STK3: variants seen among roughly 807,000 people sequenced by gnomAD.
STK3 encodes the protein serine/threonine-protein kinase 3.
STK3 carries 41 observed loss-of-function variants against 58.0 expected under a neutral mutation model. The ratio of observed to expected loss-of-function variants is 0.71; its 90% CI spans 0.55 to 0.92. The LOEUF is 0.92. Ranked by LOEUF, STK3 falls within the 40% of genes least tolerant of loss-of-function variation. STK3 has a pLI of 0.00. For synonymous variants in STK3, 170 were observed against 191.0 expected (o/e 0.89, Z 0.91); for missense variants, 479 against 602.7 (o/e 0.79, Z 2.15).
intron 4 of STK3, among the ~76,000 whole-genome samples, chr8:98,724,787 G>A (rs1008731715): frequency 6.6e-6 from 1 of 152,244 alleles, no homozygotes; most frequent in Non-Finnish European, 1.5e-5. Context: ...TTCAGAAGAC[G>A]AAGAAGAGTC....
chr8:98,802,371 A>G (rs1176181611), intron 1 of STK3, among the ~76,000 whole-genome samples: 1 of 152,192 alleles, frequency 6.6e-6, no homozygotes, highest in East Asian at 1.9e-4. Flanking sequence ...ATGGTGATAA[A>G]TTATTTAATA....
At chr8:98,715,221 G>A (rs1366351771) in intron 4 of STK3, among the ~76,000 whole-genome samples, 1 of 152,110 alleles carries the variant, frequency 6.6e-6, no homozygotes, top group Non-Finnish European at 1.5e-5. Context: ...CATAGGCATG[G>A]GTAAGGACTT....
chr8:98,803,055 G>A (rs1371999124), intron 1 of STK3, among the ~76,000 whole-genome samples: 1 of 152,160 alleles, frequency 6.6e-6, no homozygotes, highest in Non-Finnish European at 1.5e-5. Context: ...AGACAACAGG[G>A]TTTCCCTTGG....
At chr8:98,890,280 C>T (rs1443942691) in intron 1 of STK3, among the ~76,000 whole-genome samples, 5 of 152,184 alleles carry the variant, frequency 3.3e-5, no homozygotes, top group South Asian at 2.1e-4. Context: ...CAGCCTTCTG[C>T]CTTTTCTCTG....
intron 10 of STK3, among the ~76,000 whole-genome samples, chr8:98,494,031 C>A (rs936291072): frequency 6.6e-6 from 1 of 152,218 alleles, no homozygotes; most frequent in Admixed American, 6.5e-5. Context: ...TGCAACAATC[C>A]CCTTAATGAT....
chr8:98,816,927 T>A (rs1004052447), intron 1 of STK3, among the ~76,000 whole-genome samples: 4 of 152,198 alleles, frequency 2.6e-5, no homozygotes, highest in Non-Finnish European at 4.4e-5. Context: ...AATGATTACT[T>A]ATAGGGAAAG....
At chr8:98,740,642 G>A (rs1386344283) in intron 4 of STK3, among the ~76,000 whole-genome samples, 4 of 152,152 alleles carry the variant, frequency 2.6e-5, no homozygotes, top group Non-Finnish European at 5.9e-5. Context: ...GCAAAATCAT[G>A]CCAAATTGTA....
chr8:98,502,390 C>G (rs554985924), intron 10 of STK3, among the ~76,000 whole-genome samples: 1 of 152,226 alleles, frequency 6.6e-6, no homozygotes, highest in South Asian at 2.1e-4. Context: ...ACTTGAATAC[C>G]CTTTATTTCT....
At chr8:98,740,883 T>C (rs1440502900) in intron 4 of STK3, among the ~76,000 whole-genome samples, 2 of 151,708 alleles carry the variant, frequency 1.3e-5, no homozygotes, top group Admixed American at 6.6e-5. Context: ...AGGCTCAAAA[T>C]AAAAGGATGG....
intron 1 of STK3, among the ~76,000 whole-genome samples, chr8:98,918,538 G>A (rs917904613): frequency 2.0e-5 from 3 of 152,152 alleles, no homozygotes; most frequent in Non-Finnish European, 4.4e-5. Context: ...GGGAGGCCTA[G>A]GCAGGAGGAC....
chr8:98,524,139 A>T (rs898724281), intron 10 of STK3, among the ~76,000 whole-genome samples: 1 of 152,200 alleles, frequency 6.6e-6, no homozygotes, highest in Admixed American at 6.5e-5. Context: ...TGGTCTTGGC[A>T]TCCTTGCCGA....
intron 6 of STK3, chr8:98,603,182 G>A (rs898751217): frequency 1.3e-5 from 2 of 151,448 alleles, no homozygotes; most frequent in Non-Finnish European, 2.9e-5. Flanking sequence ...AATAATAATA[G>A]TAATAATGAC....
At chr8:98,855,469 A>G (rs1836633496) in intron 3 of STK3, among the ~76,000 whole-genome samples, 1 of 152,200 alleles carries the variant, frequency 6.6e-6, no homozygotes, top group Non-Finnish European at 1.5e-5. Context: ...ATGCAAAAGA[A>G]TGAAGCTGGA....
intron 7 of STK3, among the ~76,000 whole-genome samples, chr8:98,589,254 G>C (rs1439652466): frequency 6.6e-6 from 1 of 152,166 alleles, no homozygotes; most frequent in African/African-American, 2.4e-5. Context: ...CTTTGATGAT[G>C]GTGATGAACA....
chr8:98,740,649 T>C (rs1442279328), intron 4 of STK3, among the ~76,000 whole-genome samples: 3 of 152,140 alleles, frequency 2.0e-5, no homozygotes, highest in Non-Finnish European at 4.4e-5. Flanking sequence ...CATGCCAAAT[T>C]GTAAAGACCA....
intron 6 of STK3, among the ~76,000 whole-genome samples, chr8:98,646,381 C>A (rs1019111513): frequency 6.6e-6 from 1 of 152,144 alleles, no homozygotes; most frequent in Admixed American, 6.5e-5. Context: ...ATATTAATAA[C>A]CCACTTATCT....
At chr8:98,721,016 T>G (rs908382277) in intron 4 of STK3, 18 of 829,382 alleles carry the variant, frequency 2.2e-5, no homozygotes, top group Non-Finnish European at 2.6e-5. Context: ...TTCAATGGTA[T>G]GCCAGCCAAA....
At chr8:98,465,869 A>C (rs558238113) in intron 10 of STK3, among the ~76,000 whole-genome samples, 1 of 152,312 alleles carries the variant, frequency 6.6e-6, no homozygotes, top group Non-Finnish European at 1.5e-5. Flanking sequence ...GCAGCTGAGC[A>C]CCCATTTCTT....
intron 10 of STK3, among the ~76,000 whole-genome samples, chr8:98,458,985 T>C (rs1456050244): frequency 1.7e-4 from 26 of 151,970 alleles, no homozygotes; most frequent in Admixed American, 1.6e-3. Context: ...GCTATAAAGA[T>C]ACTTGAAATG....
Sources: allele counts gnomAD v4.1 joint callset (sites outside exome capture counted in the v4.1 genomes callset), GRCh38; gene constraint gnomAD v4.1.1; transcripts MANE v1.5; gene names NCBI Gene and HGNC (gene_info 2026-07-23, HGNC 2026-07-21).